TTN: variants seen among roughly 807,000 people sequenced by gnomAD.
TTN encodes the protein connectin.
A neutral mutation model predicts 3,223.0 loss-of-function variants in TTN; 1,525 were observed. The observed-to-expected ratio is 0.47, with a 90% CI of 0.45 to 0.49. TTN has a LOEUF of 0.49. Ranked by LOEUF, TTN falls within the 20% of genes least tolerant of loss-of-function variation. The probability of loss-of-function intolerance (pLI) is 0.00; values close to 1 mark genes in which losing one functional copy is unlikely to be tolerated. For missense variants in TTN, 40,786 were observed against 43,424.0 expected, an observed-to-expected ratio of 0.94 and a Z score of 5.40; for synonymous variants, 14,094 against 15,161.0, an observed-to-expected ratio of 0.93 and a Z score of 5.17.
At chr2:178,755,367 G>C (rs1317058028) in intron 46 of TTN, among the ~76,000 whole-genome samples, 2 of 152,114 alleles carry the variant, frequency 1.3e-5, no homozygotes, top group African/African-American at 4.8e-5. Flanking sequence ...CATTTATGGA[G>C]AAATATCTAG....
intron 142 of TTN, 137 bp from the exon 143 acceptor site, chr2:178,678,967 C>A: frequency 1.4e-6 from 1 of 728,408 alleles, no homozygotes; most frequent in South Asian, 2.2e-5. Flanking sequence ...TTATAATAGC[C>A]ACAAAACAAA....
Position 178,776,142 on chromosome 2 carries a change from C to T in TTN, c.5722G>A (p.Gly1908Ser), listed in dbSNP as rs964474432. Residue 1908 changes from glycine (G) to serine (S), a missense_variant, in exon 28 of 363, where the codon GGT becomes AGT. Coordinates refer to ENST00000589042, the MANE Select transcript of TTN (RefSeq NM_001267550.2). The stretch of plus-strand genomic sequence containing the variant: ...TTTTCCGCGGTGACCTTCACTTCAC[C>T]TGTGTCATATGATTTGCAGTCCACG... ...DIVDCKSYDT[G>S]EVKVTAENPE... is the part of the protein sequence containing the mutation. 8 of 1,614,038 alleles carry T rather than the reference C, an allele frequency of 5.0e-6. No homozygotes were observed. Among genetic ancestry groups the T allele is most frequent in the Non-Finnish European group, 5.9e-6 (7 of 1,180,020 alleles).
At chr2:178,781,768 T>C (rs1324254039) in intron 20 of TTN, among the ~76,000 whole-genome samples, 1 of 152,212 alleles carries the variant, frequency 6.6e-6, no homozygotes, top group African/African-American at 2.4e-5. Flanking sequence ...AAATTTTATA[T>C]TGAATTGAAG....
In TTN at chr2:178,583,154, C is replaced by A. The variant is rs374736305; in HGVS notation, c.65649G>T (p.Leu21883Phe). ...LTVKAGTNVC[L>F]DATVFGKPMP... ...TCGGTTTACCAAAAACAGTAGCATC[C>A]AAGCAGACATTAGTTCCAGCTTTCA... The change falls in exon 313 of 363, where the codon TTG (leucine) becomes TTT (phenylalanine). Residue 21883 changes from leucine to phenylalanine, a missense_variant. Coordinates refer to ENST00000589042, the MANE Select transcript of TTN (RefSeq NM_001267550.2). 119 of 1,612,218 alleles carry A rather than the reference C, an allele frequency of 7.4e-5. No individual in the cohort carries two copies. Among genetic ancestry groups the A allele is most frequent in the Non-Finnish European group, 9.2e-5 (109 of 1,179,022 alleles).
chr2:178,701,823 C>T (rs1043066203), intron 109 of TTN, among the ~76,000 whole-genome samples: 1 of 152,146 alleles, frequency 6.6e-6, no homozygotes, highest in African/African-American at 2.4e-5. Flanking sequence ...ATTCTAGCAT[C>T]AGCTGAGTGA....
intron 107 of TTN, 65 bp from the exon 108 acceptor site, chr2:178,702,310 A>G (rs1294892935): frequency 5.0e-6 from 8 of 1,608,572 alleles, no homozygotes; most frequent in Non-Finnish European, 6.8e-6. Context: ...CTTTACTTCA[A>G]TATACGTATG....
Position 178,723,296 on chromosome 2 carries a change from A to C in TTN, c.21711T>G (p.Ser7237Arg). The C allele has an allele frequency of 6.2e-7, 1 of 1,612,672 alleles. No individual in the cohort carries two copies. Among genetic ancestry groups the C allele is most frequent in the Non-Finnish European group, 8.5e-7 (1 of 1,179,272 alleles). Reference protein sequence around the residue: ...KEPAAFLKRLSDHSVEPGKSI... With the variant: ...KEPAAFLKRLRDHSVEPGKSI... ...ACTTCCCTGGTTCTACAGAATGATC[A>C]CTTAATCTCTTCAAAAATGCAGCTG... The change falls in exon 75 of 363, where the codon AGT becomes AGG. Residue 7237 changes from serine to arginine, a missense_variant. Transcript: ENST00000589042.
intron 106 of TTN, among the ~76,000 whole-genome samples, chr2:178,702,873 G>A (rs1206152702): frequency 6.6e-6 from 1 of 152,136 alleles, no homozygotes; most frequent in Admixed American, 6.6e-5. Context: ...CATGCTGGTC[G>A]AATGTAGCAA....
rs747971851 is a variant in TTN at position 178,599,057 on chromosome 2, G to A, written c.56653C>T (p.Pro18885Ser). 2.1e-5 allele frequency: 32 copies of A among 1,540,810 alleles called. No homozygotes were observed. Among genetic ancestry groups the A allele is most frequent in the South Asian group, 1.1e-4 (9 of 78,490 alleles). The change falls in exon 291 of 363, where the codon CCT becomes TCT. Residue 18885 changes from proline (P) to serine (S), a missense_variant. Coordinates refer to ENST00000589042, the MANE Select transcript of TTN (RefSeq NM_001267550.2). ...PETARNLFSV[P>S]GAPDKPTVSS... Reference sequence around the variant, plus strand: ...ACTGTTGGTTTATCTGGTGCTCCAGGGACAGCTGTGAAAAAGATCATATTG... The same window carrying A: ...ACTGTTGGTTTATCTGGTGCTCCAGAGACAGCTGTGAAAAAGATCATATTG...
rs72648929 is a variant in TTN, at chr2:178,734,746, C to T, written c.15178G>A (p.Val5060Ile). 9.2e-4 allele frequency: 1,488 copies of T among 1,613,230 alleles called. 22 individuals carry two copies. The East Asian group carries it at 0.029, about 31-fold the overall frequency. Residue 5060 changes from valine (V) to isoleucine (I), a missense_variant, in exon 51 of 363, where the codon GTC becomes ATC. Transcript: ENST00000589042. ...TCAGTACTGCAGCTATCACTGCCGA[C>T]GTCATTCACTGCTTCACATGAGTAA... ...GSYSCEAVNDVGSDSCSTEIV... is the reference protein window; with the variant it reads ...GSYSCEAVNDIGSDSCSTEIV...
rs1271065895 is a variant in TTN, at chr2:178,723,524, T to C, written c.21576A>G (p.Ala7192=). ...TGTCAATATTAAATAATTCCAGTTC[T>C]GCCACAGTGTCTTCAAAATAGATGT... ...RCNIYFEDTV[A]ELELFNIDIS... Residue 7192 remains alanine (A), a synonymous_variant, in exon 74 of 363, where the codon GCA becomes GCG. Transcript: ENST00000589042. The C allele has an allele frequency of 4.3e-6, 7 of 1,613,456 alleles. No individual in the cohort carries two copies. The highest frequency in any genetic ancestry group is 5.9e-6 in the Non-Finnish European group (7 of 1,179,618).
At chr2:178,544,769 C>CT (rs1311503519) in intron 344 of TTN, among the ~76,000 whole-genome samples, 3 of 152,146 alleles carry the variant, frequency 2.0e-5, no homozygotes, top group African/African-American at 7.2e-5. Context: ...TGTGTGTTCT[C>CT]TATTAGCTAA....
intron 258 of TTN, 73 bp downstream of exon 258, chr2:178,615,568 T>C: frequency 6.2e-7 from 1 of 1,609,522 alleles, no homozygotes; most frequent in South Asian, 1.1e-5. Flanking sequence ...CCTTGCCCCA[T>C]AACTTCAACT....
Position 178,685,334 on chromosome 2 carries a change from G to A in TTN, c.32393-4C>T. 1 of 1,548,976 alleles carries A rather than the reference G, an allele frequency of 6.5e-7. No homozygotes were observed. The highest frequency in any genetic ancestry group is 8.7e-7 in the Non-Finnish European group (1 of 1,145,794). ...TTCTTCTCCTGCCTCTCTGTCACTT[G>A]AAAAGATTATAAAATATGTTTGTAG... is the stretch of plus-strand genomic sequence containing the variant. On this transcript the variant is annotated splice_region_variant and splice_polypyrimidine_tract_variant and intron_variant, in intron 128 of 362. Coordinates refer to ENST00000589042, the MANE Select transcript of TTN (RefSeq NM_001267550.2).
At chr2:178,796,654 CAA>C (rs915322241) in intron 6 of TTN, among the ~76,000 whole-genome samples, 1 of 152,106 alleles carries the variant, frequency 6.6e-6, no homozygotes, top group African/African-American at 2.4e-5. Flanking sequence ...TGAAGAAAAG[CAA>C]AGAGACATGT....
intron 51 of TTN, 32 bp from the exon 52 acceptor site, chr2:178,734,638 T>C: frequency 2.6e-6 from 4 of 1,561,712 alleles, no homozygotes; most frequent in Non-Finnish European, 3.5e-6. Flanking sequence ...GTGTAAGTAA[T>C]GGGTAATAAG....
Position 178,536,075 on chromosome 2 carries a change from C to A in TTN, c.100672G>T (p.Ala33558Ser), listed in dbSNP as rs376376588. ...FKGGYHQLII[A>S]SVTDDDATVY... is the part of the protein sequence containing the mutation. The stretch of plus-strand genomic sequence containing the variant: ...GTGGCATCATCATCTGTGACACTTG[C>A]AATGATGAGCTGGTGGTAGCCACCC... Residue 33558 changes from alanine (A) to serine (S), a missense_variant, in exon 357 of 363, where the codon GCA becomes TCA. Physicochemically the swap from Ala to Ser is moderately conservative, Grantham distance 99 (BLOSUM62 1). Coordinates refer to ENST00000589042, the MANE Select transcript of TTN (RefSeq NM_001267550.2). The A allele has an allele frequency of 6.2e-7, 1 of 1,607,508 alleles. No homozygotes were observed. The highest frequency in any genetic ancestry group is 2.2e-5 in the East Asian group (1 of 44,790).
rs1220778297 is a variant in TTN, at chr2:178,775,739, G to T, written c.6125C>A (p.Thr2042Asn). Residue 2042 changes from threonine (T) to asparagine (N), a missense_variant, in exon 28 of 363, where the codon ACC (threonine) becomes AAC (asparagine). Transcript: ENST00000589042. ...CTTTTCCTCTTCAGTTAACTCTTTG[G>T]TCCAGTGGAGAAGTTCATCTTTTGT... ...RKTKDELLHW[T>N]KELTEEEKKA... The T allele has an allele frequency of 6.2e-7, 1 of 1,613,986 alleles. No individual in the cohort carries two copies.
In TTN at chr2:178,798,120, T is replaced by C. The variant is rs953186118; in HGVS notation, c.914+1367A>G. ...TTTGTTCCCCTGGTGTATTTTTCTATTCATTTACCAATACCATACTGTTCT... is the reference window on the plus strand; with the variant it reads ...TTTGTTCCCCTGGTGTATTTTTCTACTCATTTACCAATACCATACTGTTCT... On this transcript the variant is annotated intron_variant, in intron 6 of 362. Transcript: ENST00000589042. 2.0e-5 allele frequency among the ~76,000 whole-genome samples: 3 copies of C among 152,264 alleles called. No individual in the cohort carries two copies. In the East Asian group the frequency reaches 5.8e-4, roughly 29 times the overall value.
Sources: gnomAD v4.1 joint callset for allele counts (sites outside exome capture counted in the v4.1 genomes callset) on GRCh38, gnomAD v4.1.1 for gene constraint, MANE v1.5 for transcripts, NCBI Gene and HGNC (gene_info 2026-07-23, HGNC 2026-07-21) for gene names.